RGL2: variants seen among roughly 807,000 people sequenced by gnomAD.
The protein encoded by RGL2 is ral guanine nucleotide dissociation stimulator like 2, also known as ral guanine nucleotide dissociation stimulator-like 2.
In RGL2, 40 loss-of-function variants were observed where a neutral mutation model predicts 84.6. The ratio of observed to expected loss-of-function variants is 0.47; its 90% CI spans 0.37 to 0.62. The LOEUF is 0.62. Ranked by LOEUF, RGL2 falls within the 20% of genes least tolerant of loss-of-function variation. The pLI is 0.00. For synonymous variants in RGL2, 369 were observed against 417.3 expected (o/e 0.88, Z 1.41); for missense variants, 865 against 1,019.7 (o/e 0.85, Z 2.07).
chr6:33,292,688 T>C (rs1040483909), intron 16 of RGL2, 144 bp from the exon 17 acceptor site: 1 of 731,884 alleles, frequency 1.4e-6, no homozygotes, highest in Non-Finnish European at 2.3e-6. Context: ...TGGCTTCCTA[T>C]ACCCCATAAG....
Position 33,293,453 on chromosome 6 carries a change from G to A in RGL2, c.1676C>T (p.Ala559Val), listed in dbSNP as rs375041671. 1.6e-5 allele frequency: 26 copies of A among 1,613,982 alleles called. No homozygotes were observed. Among genetic ancestry groups the A allele is most frequent in the African/African-American group, 6.7e-5 (5 of 74,926 alleles). Residue 559 changes from alanine (A) to valine (V), a missense_variant, in exon 15 of 18, where the codon GCG becomes GTG. Physicochemically the swap from Ala to Val is moderately conservative, Grantham distance 64. Coordinates refer to ENST00000497454, the MANE Select transcript of RGL2 (RefSeq NM_004761.5). The surrounding 1 kb of genome is among the most constrained non-coding windows in gnomAD (Gnocchi z 7.0). ...CDRPSTGGDEAPTTPAPLLTR... is the reference protein window; with the variant it reads ...CDRPSTGGDEVPTTPAPLLTR... Reference sequence around the variant, plus strand: ...CAGCAGAGGAGCAGGAGTTGTAGGCGCCTCATCTCCCCCAGTACTGGGCCG... The same window carrying A: ...CAGCAGAGGAGCAGGAGTTGTAGGCACCTCATCTCCCCCAGTACTGGGCCG...
chr6:33,297,187 C>T lies in RGL2; in HGVS notation c.157-72G>A, dbSNP rs760098505. 7.1e-5 allele frequency: 81 copies of T among 1,140,588 alleles called. No homozygotes were observed. Among genetic ancestry groups the T allele is most frequent in the Non-Finnish European group, 9.7e-5 (77 of 795,990 alleles). The allele number at this position is 1,140,588 out of a possible 1,614,324, so 70.7% of individuals were successfully genotyped here. ...CATTGCCCTCAGCCTTCACCCCAGG[C>T]CCTGCTCCTCCCTCTGTACCCCTCA... On this transcript the variant is annotated intron_variant, in intron 2 of 17. Coordinates refer to ENST00000497454, the MANE Select transcript of RGL2 (RefSeq NM_004761.5). The surrounding 1 kb of genome is among the most constrained non-coding windows in gnomAD (Gnocchi z 4.0).
At position 33,294,871 on chromosome 6, in the gene RGL2, C is replaced by T; in HGVS notation, c.1278+106G>A. ...CAGAGAACAGATTTCATTCTCCTCACCCCTCTGTGCCTCCCTTACCCATCC... is the reference window on the plus strand; with the variant it reads ...CAGAGAACAGATTTCATTCTCCTCATCCCTCTGTGCCTCCCTTACCCATCC... On this transcript the variant is annotated intron_variant, in intron 10 of 17. Transcript: ENST00000497454. The surrounding 1 kb of genome is among the most constrained non-coding windows in gnomAD (Gnocchi z 5.0). The T allele has an allele frequency of 6.7e-7, 1 of 1,483,318 alleles. No homozygotes were observed. The allele number at this position is 1,483,318 out of a possible 1,614,324, so 91.9% of individuals were successfully genotyped here. A position where few individuals can be genotyped will look rare whatever the true frequency, so the allele number is the denominator to read the frequency against.
At position 33,291,925 on chromosome 6, in the gene RGL2, T is replaced by C. The variant is rs1274211037; in HGVS notation, c.*177A>G. The C allele has an allele frequency of 1.5e-6, 1 of 667,940 alleles. No individual in the cohort carries two copies. The highest frequency in any genetic ancestry group is 1.8e-5 in the African/African-American group (1 of 55,242). The allele number at this position is 667,940 out of a possible 1,614,324, so 41.4% of individuals were successfully genotyped here. The stretch of plus-strand genomic sequence containing the variant: ...ATCCAACTTGGTTATAAGACACCAG[T>C]TCCCACAGGGCTGGATTTCTCAGCT... On this transcript the variant is annotated 3_prime_UTR_variant, in exon 18 of 18. Coordinates refer to ENST00000497454, the MANE Select transcript of RGL2 (RefSeq NM_004761.5).
chr6:33,296,945 A>C lies in RGL2; in HGVS notation c.240+87T>G. 2.0e-6 allele frequency: 3 copies of C among 1,520,128 alleles called. No individual in the cohort carries two copies. Among genetic ancestry groups the C allele is most frequent in the Non-Finnish European group, 2.7e-6 (3 of 1,095,140 alleles). The allele number at this position is 1,520,128 out of a possible 1,614,324, so 94.2% of individuals were successfully genotyped here. ...CAGAGTCCAGGACTCCAGAACTCCA[A>C]CCTAGCACTCTGGCCAGAAAGTCAG... On this transcript the variant is annotated intron_variant, in intron 3 of 17. Coordinates refer to ENST00000497454, the MANE Select transcript of RGL2 (RefSeq NM_004761.5). The surrounding 1 kb of genome is among the most constrained non-coding windows in gnomAD (Gnocchi z 5.0).
Position 33,294,912 on chromosome 6 carries a change from C to A in RGL2, c.1278+65G>T. 13 of 1,529,214 alleles carry A rather than the reference C, an allele frequency of 8.5e-6. No individual in the cohort carries two copies. Among genetic ancestry groups the A allele is most frequent in the Non-Finnish European group, 1.2e-5 (13 of 1,129,098 alleles). The allele number at this position is 1,529,214 out of a possible 1,614,324, so 94.7% of individuals were successfully genotyped here. A position where few individuals can be genotyped will look rare whatever the true frequency, so the allele number is the denominator to read the frequency against. ...TTACCCATCCTTCAGGCTGCTCCCC[C>A]AAAACATACTCCTCACCCCTTCATA... On this transcript the variant is annotated intron_variant, in intron 10 of 17. Transcript: ENST00000497454. This position sits in a 1 kb window ranked among gnomAD's most constrained non-coding sequence, Gnocchi z 5.0.
rs761245551 is a variant in RGL2 at position 33,292,045 on chromosome 6, G to T, written c.*57C>A. ...TGATATAATTGCCACCATTCAGGAT[G>T]GCTACCCACATCTGGTATGAACACC... On this transcript the variant is annotated 3_prime_UTR_variant, in exon 18 of 18. Coordinates refer to ENST00000497454, the MANE Select transcript of RGL2 (RefSeq NM_004761.5). The T allele has an allele frequency of 2.5e-6, 4 of 1,573,884 alleles. No homozygotes were observed. The South Asian group carries it at 4.4e-5, about 17-fold the overall frequency.
Position 33,298,385 on chromosome 6 carries a change from C to G in RGL2, c.156+70G>C. The G allele has an allele frequency of 1.2e-6, 1 of 837,496 alleles. No individual in the cohort carries two copies. Among genetic ancestry groups the G allele is most frequent in the Non-Finnish European group, 1.8e-6 (1 of 545,094 alleles). 51.9% of individuals were successfully genotyped at this position (837,496 alleles called of 1,614,324 possible). ...GGCAAGGAGGAGGAGATGTAGGGAC[C>G]CAGAGACAAGAGAAAAGTGGAGACT... On this transcript the variant is annotated intron_variant, in intron 2 of 17. Coordinates refer to ENST00000497454, the MANE Select transcript of RGL2 (RefSeq NM_004761.5). This position sits in a 1 kb window ranked among gnomAD's most constrained non-coding sequence, Gnocchi z 4.8.
Position 33,298,594 on chromosome 6 carries a change from AG to A in RGL2, c.16del (p.Leu6CysfsTer15). Reference sequence around the variant, plus strand: ...GGGGCTCGTGTCCAAAAGCAGCCGCAGGGGCCGCGGGAGCATGGCCGAGTGA... The same window carrying A: ...GGGGCTCGTGTCCAAAAGCAGCCGCAGGGCCGCGGGAGCATGGCCGAGTGA... The part of the protein sequence containing the change: MLPRP[L>X]RLLLDTSPPG... On this transcript the variant is annotated frameshift_variant, in exon 2 of 18. Coordinates refer to ENST00000497454, the MANE Select transcript of RGL2 (RefSeq NM_004761.5). LOFTEE classifies it high-confidence loss of function. The surrounding 1 kb of genome is among the most constrained non-coding windows in gnomAD (Gnocchi z 4.8). The A allele has an allele frequency of 6.9e-7, 1 of 1,444,748 alleles. No individual in the cohort carries two copies. The highest frequency in any genetic ancestry group is 9.1e-7 in the Non-Finnish European group (1 of 1,096,784). 89.5% of individuals were successfully genotyped at this position (1,444,748 alleles called of 1,614,324 possible). A position where few individuals can be genotyped will look rare whatever the true frequency, so the allele number is the denominator to read the frequency against.
In RGL2 at chr6:33,292,454, C is replaced by G. The variant is rs1342570267; in HGVS notation, c.2098G>C (p.Val700Leu). Residue 700 changes from valine to leucine, a missense_variant, in exon 17 of 18, where the codon GTA becomes CTA. Around this residue, in one of 5 missense-constraint regions of RGL2, gnomAD observed 302 missense variants for 327.9 expected, o/e 0.92. Coordinates refer to ENST00000497454, the MANE Select transcript of RGL2 (RefSeq NM_004761.5). The stretch of plus-strand genomic sequence containing the variant: ...CCTCGCTCCCCTGGTAGCAGCTGTA[C>G]CAGCTCATACTCTGAAGCCACTGCA... ...DSAVASEYEL[V>L]QLLPGERELT... 1.2e-6 allele frequency: 2 copies of G among 1,614,068 alleles called. No individual in the cohort carries two copies. The highest frequency in any genetic ancestry group is 2.2e-5 in the South Asian group (2 of 91,086).
chr6:33,298,496 C>A lies in RGL2; in HGVS notation c.115G>T (p.Val39Leu). 2 of 1,527,054 alleles carry A rather than the reference C, an allele frequency of 1.3e-6. No homozygotes were observed. The highest frequency in any genetic ancestry group is 8.8e-7 in the Non-Finnish European group (1 of 1,131,824). The allele number at this position is 1,527,054 out of a possible 1,614,324, so 94.6% of individuals were successfully genotyped here. Reference sequence around the variant, plus strand: ...TCCTCTTCCTCCTGCCCCCCGCCCACGACCAGGCCACCTGGGCCCCCACCC... The same window carrying A: ...TCCTCTTCCTCCTGCCCCCCGCCCAAGACCAGGCCACCTGGGCCCCCACCC... ...EEGGGPGGLV[V>L]GGGQEEEEEE... Residue 39 changes from valine (V) to leucine (L), a missense_variant, in exon 2 of 18, where the codon GTG becomes TTG. Coordinates refer to ENST00000497454, the MANE Select transcript of RGL2 (RefSeq NM_004761.5). This position sits in a 1 kb window ranked among gnomAD's most constrained non-coding sequence, Gnocchi z 4.8.
Position 33,295,493 on chromosome 6 carries a change from A to C in RGL2, c.1020+15T>G. ...ATTCCATGGCCACAAACCGTAGGGC[A>C]ATCTTCTCTCTCACCTCTGCCACGC... is the stretch of plus-strand genomic sequence containing the variant. On this transcript the variant is annotated intron_variant, in intron 7 of 17. Transcript: ENST00000497454. This position sits in a 1 kb window ranked among gnomAD's most constrained non-coding sequence, Gnocchi z 7.2. The C allele has an allele frequency of 1.9e-6, 3 of 1,613,242 alleles. No homozygotes were observed. Among genetic ancestry groups the C allele is most frequent in the Non-Finnish European group, 2.5e-6 (3 of 1,179,476 alleles).
At position 33,296,100 on chromosome 6, in the gene RGL2, G is replaced by A. The variant is rs1767918944; in HGVS notation, c.696C>T (p.Pro232=). Residue 232 remains proline (P), a synonymous_variant, in exon 6 of 18, where the codon CCC becomes CCT. Transcript: ENST00000497454. The surrounding 1 kb of genome is among the most constrained non-coding windows in gnomAD (Gnocchi z 5.0). ...CCAGGACATCCGTGGGGTCAGCAGGGGGATCGCCGGGGAGGGCCAGGGGCT... is the reference window on the plus strand; with the variant it reads ...CCAGGACATCCGTGGGGTCAGCAGGAGGATCGCCGGGGAGGGCCAGGGGCT... ...LPKPLALPGD[P]PADPTDVLVF... is the part of the protein sequence containing the mutation. The A allele has an allele frequency of 2.5e-6, 4 of 1,613,936 alleles. No homozygotes were observed. The highest frequency in any genetic ancestry group is 1.7e-5 in the Admixed American group (1 of 60,002).
In RGL2 at chr6:33,293,616, G is replaced by A. The variant is rs766473481; in HGVS notation, c.1592C>T (p.Ser531Leu). The A allele has an allele frequency of 4.3e-6, 7 of 1,614,024 alleles. No individual in the cohort carries two copies. In the African/African-American group the frequency reaches 5.3e-5, roughly 12 times the overall value. Residue 531 changes from serine (S) to leucine (L), a missense_variant, in exon 14 of 18, where the codon TCG (serine) becomes TTG (leucine). Transcript: ENST00000497454. This position sits in a 1 kb window ranked among gnomAD's most constrained non-coding sequence, Gnocchi z 7.0. ...GTGAATCTCTCACTCTGTCCACTGC[G>A]AGATGACCAATGTTGGCCGAAGCAC... ...PRVLRPTLVI[S>L]QWTEVLGSVG...
chr6:33,294,888 T>A lies in RGL2; in HGVS notation c.1278+89A>T, dbSNP rs904689380. 6.7e-7 allele frequency: 1 copy of A among 1,496,226 alleles called. No individual in the cohort carries two copies. Among genetic ancestry groups the A allele is most frequent in the Non-Finnish European group, 9.1e-7 (1 of 1,099,124 alleles). 92.7% of individuals were successfully genotyped at this position (1,496,226 alleles called of 1,614,324 possible). On this transcript the variant is annotated intron_variant, in intron 10 of 17. Transcript: ENST00000497454. This position sits in a 1 kb window ranked among gnomAD's most constrained non-coding sequence, Gnocchi z 5.0. ...TCTCCTCACCCCTCTGTGCCTCCCT[T>A]ACCCATCCTTCAGGCTGCTCCCCCA...
At chr6:33,300,223 G>C (rs553661495), upstream of RGL2, 3 of 153,222 alleles carry the variant, frequency 2.0e-5, no homozygotes, top group African/African-American at 7.4e-5. Context: ...GCGGGGCGGT[G>C]GGGGGGACAA....
intron 17 of RGL2, 48 bp from the exon 18 acceptor site, chr6:33,292,361 C>G (rs376466191): frequency 1.2e-6 from 2 of 1,609,280 alleles, no homozygotes; most frequent in East Asian, 2.2e-5. Context: ...GTTGTTCCCC[C>G]CACAGCCGCC....
At chr6:33,292,576 A>G (rs28724910) in intron 16 of RGL2, 32 bp from the exon 17 acceptor site, 23,860 of 1,539,198 alleles carry the variant, frequency 0.016, 240 homozygotes, top group Non-Finnish European at 0.018. Context: ...AGAGCAATCA[A>G]TCAGCCATGA....
Position 33,295,672 on chromosome 6 carries a change from A to C in RGL2, c.856T>G (p.Ser286Ala). Reference sequence around the variant, plus strand: ...AACTGTGTGACAGTAGCTCGGACAGATGGGCAGAGGTGAGAATGTCCTGGC... The same window carrying C: ...AACTGTGTGACAGTAGCTCGGACAGCTGGGCAGAGGTGAGAATGTCCTGGC... ...DRPGHSHLCP[S>A]VRATVTQFNK... The change falls in exon 7 of 18, where the codon TCT (serine) becomes GCT (alanine). Residue 286 changes from serine (S) to alanine (A), a missense_variant. Ser to Ala is a moderately conservative substitution (Grantham distance 99, BLOSUM62 1). Coordinates refer to ENST00000497454, the MANE Select transcript of RGL2 (RefSeq NM_004761.5). This position sits in a 1 kb window ranked among gnomAD's most constrained non-coding sequence, Gnocchi z 7.2. 1 of 1,613,886 alleles carries C rather than the reference A, an allele frequency of 6.2e-7. No individual in the cohort carries two copies. The highest frequency in any genetic ancestry group is 8.5e-7 in the Non-Finnish European group (1 of 1,180,020).
Sources: allele counts gnomAD v4.1 joint callset, GRCh38; gene constraint gnomAD v4.1.1; regional missense constraint gnomAD v4.1.1; non-coding constraint Gnocchi (gnomAD v3.1); transcripts MANE v1.5; gene names NCBI Gene and HGNC (gene_info 2026-07-23, HGNC 2026-07-21).